KCNIP4: variants seen among roughly 807,000 people sequenced by gnomAD.
The protein encoded by KCNIP4 is potassium voltage-gated channel interacting protein 4, also known as Kv channel-interacting protein 4.
Under a neutral mutation model 34.0 loss-of-function variants are expected in KCNIP4, and 12 were observed. That is an observed-to-expected ratio of 0.35 (90% confidence interval 0.23 to 0.57). The LOEUF (loss-of-function observed/expected upper bound fraction) is 0.57, where lower values mean the gene tolerates loss of function less well. Among genes scored for constraint, KCNIP4 ranks in the 20% least tolerant of loss-of-function variants. KCNIP4 has a pLI of 0.83. For missense variants in KCNIP4, 238 were observed against 311.7 expected (o/e 0.76, Z 1.78); for synonymous variants, 124 against 102.2 (o/e 1.21, Z -1.29).
intron 1 of KCNIP4, among the ~76,000 whole-genome samples, chr4:21,097,666 A>ATG (rs369473006): frequency 2.6e-5 from 4 of 151,986 alleles, no homozygotes; most frequent in African/African-American, 4.8e-5. Context: ...TTAATAATAA[A>ATG]TGTGTGTGTG....
intron 1 of KCNIP4, among the ~76,000 whole-genome samples, chr4:21,867,444 A>G (rs2109360354): frequency 2.0e-5 from 3 of 152,324 alleles, no homozygotes; most frequent in Middle Eastern, 6.8e-3. Flanking sequence ...CTCTACTACT[A>G]CATTCTCTGT....
intron 1 of KCNIP4, among the ~76,000 whole-genome samples, chr4:21,174,203 T>C (rs1754229608): frequency 6.6e-6 from 1 of 152,198 alleles, no homozygotes; most frequent in Non-Finnish European, 1.5e-5. Context: ...ATGGAAAAGT[T>C]GACCTCTCAG....
intron 1 of KCNIP4, among the ~76,000 whole-genome samples, chr4:20,956,421 CAT>C (rs1267533747): frequency 2.6e-5 from 4 of 151,768 alleles, no homozygotes; most frequent in Non-Finnish European, 4.4e-5. Flanking sequence ...AGGAGAATGG[CAT>C]AAACCCGGGA....
At chr4:21,869,795 C>CAGACAGAT (rs1245787432) in intron 1 of KCNIP4, among the ~76,000 whole-genome samples, 3 of 151,218 alleles carry the variant, frequency 2.0e-5, no homozygotes, top group Non-Finnish European at 4.4e-5. Context: ...GACAGACAGA[C>CAGACAGAT]AGATAGATAG....
chr4:20,733,991 C>T (rs1004643409), intron 6 of KCNIP4, among the ~76,000 whole-genome samples: 8 of 152,136 alleles, frequency 5.3e-5, no homozygotes, highest in Non-Finnish European at 8.8e-5. Context: ...GGGGAAGTCT[C>T]GTGAGGCAAA....
intron 1 of KCNIP4, among the ~76,000 whole-genome samples, chr4:21,126,887 C>A (rs578175736): frequency 2.6e-5 from 4 of 152,104 alleles, no homozygotes; most frequent in Non-Finnish European, 4.4e-5. Flanking sequence ...TGCTTTCTTG[C>A]CAAAGCAAAC....
chr4:21,893,551 C>T (rs1727223487), intron 1 of KCNIP4, among the ~76,000 whole-genome samples: 1 of 152,098 alleles, frequency 6.6e-6, no homozygotes, highest in South Asian at 2.1e-4. Flanking sequence ...CATCATTCAT[C>T]TCCCCCTAAT....
chr4:21,907,981 T>C (rs1728092856), intron 1 of KCNIP4, among the ~76,000 whole-genome samples: 2 of 152,152 alleles, frequency 1.3e-5, no homozygotes, highest in Admixed American at 6.6e-5. Flanking sequence ...GGACTTTACG[T>C]CAACCATTTT....
chr4:21,905,972 C>T (rs190399448), intron 1 of KCNIP4, among the ~76,000 whole-genome samples: 1 of 152,168 alleles, frequency 6.6e-6, no homozygotes, highest in Non-Finnish European at 1.5e-5. Flanking sequence ...GCATAGACCA[C>T]AGGACTGCAA....
chr4:21,372,119 C>T lies in KCNIP4; in HGVS notation c.62-489410G>A, dbSNP rs886873430. 2.0e-4 allele frequency among the ~76,000 whole-genome samples: 29 copies of T among 147,218 alleles called. 7 individuals are homozygous for T. Among genetic ancestry groups the T allele is most frequent in the African/African-American group, 7.3e-4 (27 of 36,924 alleles). The stretch of plus-strand genomic sequence containing the variant: ...AATTAGTTATTTGAATGGACAGCAA[C>T]ATCAACATATGGAAGAATTCAGAAA... On this transcript the variant is annotated intron_variant, in intron 1 of 8. Transcript: ENST00000382152.
intron 1 of KCNIP4, among the ~76,000 whole-genome samples, chr4:21,003,870 G>A (rs1357558187): frequency 6.6e-6 from 1 of 152,158 alleles, no homozygotes; most frequent in African/African-American, 2.4e-5. Context: ...CTAAAGCAAA[G>A]GTATGGGGGG....
chr4:21,189,495 T>C (rs938385953), intron 1 of KCNIP4, among the ~76,000 whole-genome samples: 5 of 152,208 alleles, frequency 3.3e-5, no homozygotes, highest in Non-Finnish European at 7.3e-5. Context: ...ATCCATGCCA[T>C]AAAAAATGCT....
chr4:21,149,009 C>A (rs945210623), intron 1 of KCNIP4, among the ~76,000 whole-genome samples: 1 of 152,016 alleles, frequency 6.6e-6, no homozygotes, highest in East Asian at 1.9e-4. Context: ...TTATTTGAAC[C>A]AAAATATTTT....
chr4:20,933,555 T>C (rs1577389780), intron 1 of KCNIP4, among the ~76,000 whole-genome samples: 2 of 152,158 alleles, frequency 1.3e-5, no homozygotes, highest in East Asian at 1.9e-4. Flanking sequence ...TATCACACTT[T>C]AATTTGTGAT....
intron 1 of KCNIP4, among the ~76,000 whole-genome samples, chr4:21,179,741 A>T (rs934341026): frequency 3.9e-5 from 6 of 151,996 alleles, no homozygotes; most frequent in African/African-American, 1.5e-4. Flanking sequence ...TCTAAACTTC[A>T]TACAAAAAAA....
chr4:21,438,893 T>G (rs2109696217), intron 1 of KCNIP4, among the ~76,000 whole-genome samples: 1 of 152,230 alleles, frequency 6.6e-6, no homozygotes, highest in East Asian at 1.9e-4. Flanking sequence ...CGGGGCGTGG[T>G]GGCTCACGCC....
chr4:21,456,314 G>T (rs1380814), intron 1 of KCNIP4, among the ~76,000 whole-genome samples: 49,176 of 146,556 alleles, frequency 0.34, 10,767 homozygotes, highest in Non-Finnish European at 0.41. Context: ...ATCAAGATTT[G>T]CGTACATATC....
chr4:21,370,802 T>TAA (rs1720282907), intron 1 of KCNIP4, among the ~76,000 whole-genome samples: 1 of 4,150 alleles, frequency 2.4e-4, no homozygotes, highest in Non-Finnish European at 4.6e-4. Flanking sequence ...TGGATTGAAA[T>TAA]ATATATATAT....
chr4:21,423,975 T>A (rs76532920), intron 1 of KCNIP4, among the ~76,000 whole-genome samples: 1 of 74,876 alleles, frequency 1.3e-5, no homozygotes, highest in Non-Finnish European at 4.0e-5. Flanking sequence ...GCCCGGCCAA[T>A]TTTTTTTTTT....
Sources: gnomAD v4.1 joint callset for allele counts (sites outside exome capture counted in the v4.1 genomes callset) on GRCh38, gnomAD v4.1.1 for gene constraint, MANE v1.5 for transcripts, NCBI Gene and HGNC (gene_info 2026-07-23, HGNC 2026-07-21) for gene names.